SEMA6D: variants seen among roughly 807,000 people sequenced by gnomAD.
SEMA6D encodes the protein semaphorin-6D.
Under a neutral mutation model 106.6 loss-of-function variants are expected in SEMA6D, and 35 were observed. The ratio of observed to expected loss-of-function variants is 0.33; its 90% CI spans 0.25 to 0.44. The LOEUF (loss-of-function observed/expected upper bound fraction) is 0.44. Among genes scored for constraint, SEMA6D ranks in the 20% least tolerant of loss-of-function variants. The pLI is 1.00. For missense variants in SEMA6D, 1,185 were observed against 1,345.9 expected (o/e 0.88, Z 1.87); for synonymous variants, 499 against 487.7 (o/e 1.02, Z -0.31).
intron 2 of SEMA6D, among the ~76,000 whole-genome samples, chr15:47,442,648 A>G (rs12440365): frequency 0.28 from 41,839 of 151,908 alleles, 5,957 homozygotes; most frequent in East Asian, 0.39. Context: ...TGTTTGGGTT[A>G]CTAGCCATCT....
chr15:47,671,228 T>C (rs1424964187), intron 4 of SEMA6D, among the ~76,000 whole-genome samples: 1 of 152,194 alleles, frequency 6.6e-6, no homozygotes, highest in Non-Finnish European at 1.5e-5. Context: ...ACGTACCATT[T>C]TGTTTGTCAC....
At chr15:47,469,877 T>C (rs905930025) in intron 2 of SEMA6D, among the ~76,000 whole-genome samples, 1 of 152,176 alleles carries the variant, frequency 6.6e-6, no homozygotes, top group Non-Finnish European at 1.5e-5. Flanking sequence ...AAAACCATTT[T>C]ATAAGGAAAT....
At chr15:47,538,703 T>TA (rs1238712917) in intron 3 of SEMA6D, among the ~76,000 whole-genome samples, 3 of 152,126 alleles carry the variant, frequency 2.0e-5, no homozygotes, top group African/African-American at 7.2e-5. Flanking sequence ...TTTAATGTTC[T>TA]AAAAAAATAA....
Position 47,611,859 on chromosome 15 carries a change from T to C in SEMA6D, c.-55+10963T>C, listed in dbSNP as rs572384527. ...TGGTTTTGATTAAGCTGAAACAAAG[T>C]GGCCACATTGAAGTGGAGCCAGTGC... is the stretch of plus-strand genomic sequence containing the variant. On this transcript the variant is annotated intron_variant, in intron 4 of 19. Coordinates refer to the SEMA6D transcript ENST00000558014. 7.9e-5 allele frequency among the ~76,000 whole-genome samples: 12 copies of C among 152,314 alleles called. No homozygotes were observed. In the South Asian group the frequency reaches 2.5e-3, roughly 32 times the overall value.
chr15:47,486,416 T>C (rs1181557023), intron 3 of SEMA6D, among the ~76,000 whole-genome samples: 1 of 152,234 alleles, frequency 6.6e-6, no homozygotes, highest in African/African-American at 2.4e-5. Context: ...TATAAAGTTA[T>C]CTCCTATTGA....
At chr15:47,604,945 A>G (rs2076747701) in intron 4 of SEMA6D, among the ~76,000 whole-genome samples, 1 of 151,662 alleles carries the variant, frequency 6.6e-6, no homozygotes, top group Non-Finnish European at 1.5e-5. Flanking sequence ...TGACCTCGCA[A>G]TCTGCCTGCC....
At chr15:47,762,497 T>C (rs1007993944) in intron 8 of SEMA6D, among the ~76,000 whole-genome samples, 178 bp downstream of exon 8, 1 of 151,978 alleles carries the variant, frequency 6.6e-6, no homozygotes, top group Admixed American at 6.5e-5. Context: ...CTGGTAGCCA[T>C]GTCAGAAGAG....
chr15:47,230,293 A>G lies in SEMA6D; in HGVS notation c.-239+45875A>G, dbSNP rs148517017. Among the ~76,000 whole-genome samples the G allele has an allele frequency of 1.4e-3, 215 of 152,200 alleles. 1 individual carries two copies. Among genetic ancestry groups the G allele is most frequent in the Middle Eastern group, 6.8e-3 (2 of 294 alleles). ...ATAAGTTTTATTTTTCTTATACAGA[A>G]TATAATCTATGTAAAGTTGTATATC... On this transcript the variant is annotated intron_variant, in intron 1 of 19. Coordinates refer to the SEMA6D transcript ENST00000558014.
chr15:47,199,897 G>T (rs909007979), intron 1 of SEMA6D, among the ~76,000 whole-genome samples: 1 of 151,996 alleles, frequency 6.6e-6, no homozygotes, highest in African/African-American at 2.4e-5. Flanking sequence ...AGTTACATAC[G>T]TTATTTCATT....
intron 1 of SEMA6D, among the ~76,000 whole-genome samples, chr15:47,755,475 A>G (rs2081665895): frequency 6.6e-6 from 1 of 152,140 alleles, no homozygotes; most frequent in African/African-American, 2.4e-5. Flanking sequence ...ATGTTGGGCA[A>G]TGTATGTAAA....
At chr15:47,559,834 T>G (rs1270881726) in intron 3 of SEMA6D, among the ~76,000 whole-genome samples, 2 of 152,088 alleles carry the variant, frequency 1.3e-5, no homozygotes, top group South Asian at 4.1e-4. Flanking sequence ...GGCCTAAAAT[T>G]TGAATGTCAT....
intron 2 of SEMA6D, among the ~76,000 whole-genome samples, chr15:47,437,497 T>G (rs1346901423): frequency 2.0e-5 from 3 of 152,128 alleles, no homozygotes; most frequent in African/African-American, 7.2e-5. Context: ...TCAGAACACT[T>G]GCCTACATAA....
chr15:47,697,364 T>G lies in SEMA6D; in HGVS notation c.-54-62381T>G, dbSNP rs913035361. Reference sequence around the variant, plus strand: ...GCTCTCCCAAACAGCAAGCCCTGCCTTGATTTCCTCTCTGAACTCCCACAA... The same window carrying G: ...GCTCTCCCAAACAGCAAGCCCTGCCGTGATTTCCTCTCTGAACTCCCACAA... On this transcript the variant is annotated intron_variant, in intron 4 of 19. Transcript: ENST00000558014. Among the ~76,000 whole-genome samples, 5 of 152,288 alleles carry G rather than the reference T, an allele frequency of 3.3e-5. No individual in the cohort carries two copies. In the South Asian group the frequency reaches 1.0e-3, roughly 32 times the overall value.
intron 4 of SEMA6D, among the ~76,000 whole-genome samples, chr15:47,630,291 T>C (rs1006935933): frequency 6.6e-6 from 1 of 151,944 alleles, no homozygotes; most frequent in African/African-American, 2.4e-5. Flanking sequence ...TTTGTTTCCT[T>C]TAATTTTTTC....
intron 1 of SEMA6D, among the ~76,000 whole-genome samples, chr15:47,365,381 A>G (rs2038973985): frequency 6.6e-6 from 1 of 152,128 alleles, no homozygotes; most frequent in Non-Finnish European, 1.5e-5. Context: ...GGACTCCCGC[A>G]GGTGGATCAC....
chr15:47,315,522 G>T (rs1428733253), intron 1 of SEMA6D, among the ~76,000 whole-genome samples: 1 of 152,116 alleles, frequency 6.6e-6, no homozygotes, highest in East Asian at 1.9e-4. Flanking sequence ...TCTAGAAGTT[G>T]GTCGGTGTAA....
chr15:47,348,765 G>GAGAGAGAGAGA, intron 1 of SEMA6D, among the ~76,000 whole-genome samples: 1 of 142,830 alleles, frequency 7.0e-6, no homozygotes. Context: ...GAGAGAGAGA[G>GAGAGAGAGAGA]ATTTTTTCCT....
intron 2 of SEMA6D, among the ~76,000 whole-genome samples, chr15:47,450,224 G>T (rs1212212110): frequency 6.6e-6 from 1 of 152,012 alleles, no homozygotes; most frequent in Non-Finnish European, 1.5e-5. Context: ...TTTCATTCCC[G>T]TTCTCCCTTT....
chr15:47,334,324 T>C (rs182339944), intron 1 of SEMA6D, among the ~76,000 whole-genome samples: 2 of 152,294 alleles, frequency 1.3e-5, no homozygotes, highest in East Asian at 1.9e-4. Flanking sequence ...CTCCAGCAAA[T>C]TAATCAAACC....
Sources: allele counts gnomAD v4.1 joint callset (sites outside exome capture counted in the v4.1 genomes callset), GRCh38; gene constraint gnomAD v4.1.1; transcripts MANE v1.5; gene names NCBI Gene and HGNC (gene_info 2026-07-23, HGNC 2026-07-21).